GALNTL6: variants seen among roughly 807,000 people sequenced by gnomAD.
GALNTL6 encodes polypeptide N-acetylgalactosaminyltransferase like 6.
Under a neutral mutation model 73.7 loss-of-function variants are expected in GALNTL6, and 46 were observed. The ratio of observed to expected loss-of-function variants is 0.62; its 90% CI spans 0.49 to 0.80. The LOEUF is 0.80. Ranked by LOEUF, GALNTL6 falls within the 30% of genes least tolerant of loss-of-function variation. The pLI is 0.00. For synonymous variants in GALNTL6, 259 were observed against 263.7 expected, an observed-to-expected ratio of 0.98 and a Z score of 0.17; for missense variants, 604 against 755.0, an observed-to-expected ratio of 0.80 and a Z score of 2.34.
At chr4:172,159,133 C>T (rs1734375232) in intron 2 of GALNTL6, among the ~76,000 whole-genome samples, 1 of 152,140 alleles carries the variant, frequency 6.6e-6, no homozygotes, top group African/African-American at 2.4e-5. Context: ...TAAGGCGCAA[C>T]TCCAGGAAGA....
chr4:172,828,571 A>G (rs1469306883), intron 7 of GALNTL6, among the ~76,000 whole-genome samples: 1 of 152,218 alleles, frequency 6.6e-6, no homozygotes, highest in Non-Finnish European at 1.5e-5. Context: ...GCATAAAAAA[A>G]GAGAAAAAAA....
intron 2 of GALNTL6, among the ~76,000 whole-genome samples, chr4:172,193,126 G>A (rs1439812217): frequency 3.3e-5 from 5 of 152,200 alleles, no homozygotes; most frequent in African/African-American, 1.2e-4. Flanking sequence ...CCAGATGAGA[G>A]GGACTACCCC....
chr4:171,844,838 T>C (rs552706297), intron 2 of GALNTL6, among the ~76,000 whole-genome samples: 1 of 152,174 alleles, frequency 6.6e-6, no homozygotes, highest in Non-Finnish European at 1.5e-5. Flanking sequence ...AGATGGTTGC[T>C]GTGGCAGGGA....
At chr4:172,759,205 C>T (rs1326584410) in intron 5 of GALNTL6, among the ~76,000 whole-genome samples, 1 of 152,188 alleles carries the variant, frequency 6.6e-6, no homozygotes, top group Non-Finnish European at 1.5e-5. Flanking sequence ...TAGATTCACT[C>T]AGAAATTGCA....
rs140528278 is a variant in GALNTL6 at position 172,467,362 on chromosome 4, G to A, written c.553+118673G>A. Among the ~76,000 whole-genome samples the A allele has an allele frequency of 6.6e-5, 10 of 152,266 alleles. No individual in the cohort carries two copies. In the East Asian group the frequency reaches 7.7e-4, roughly 12 times the overall value. On this transcript the variant is annotated intron_variant, in intron 5 of 12. Transcript: ENST00000506823. The stretch of plus-strand genomic sequence containing the variant: ...ATGATTCAGCTACTCAGTAAATTTC[G>A]TAGGGTTCAGAGAATAGTTCTGGCA...
At chr4:172,744,450 A>C (rs570118336) in intron 5 of GALNTL6, among the ~76,000 whole-genome samples, 1 of 152,254 alleles carries the variant, frequency 6.6e-6, no homozygotes, top group Admixed American at 6.5e-5. Context: ...TAAATCAAGG[A>C]GATACATGTC....
At chr4:172,504,589 A>G (rs13115769) in intron 5 of GALNTL6, among the ~76,000 whole-genome samples, 44,546 of 46,474 alleles carry the variant, frequency 0.96, 22,072 homozygotes, top group Middle Eastern at 1. Context: ...ATTGATTCAC[A>G]AGTTTGTTCT....
At chr4:172,859,588 A>T (rs1257972178) in intron 7 of GALNTL6, among the ~76,000 whole-genome samples, 7 of 152,184 alleles carry the variant, frequency 4.6e-5, no homozygotes, top group Non-Finnish European at 1.0e-4. Context: ...GTAACTATCC[A>T]CTATAACTAT....
intron 8 of GALNTL6, among the ~76,000 whole-genome samples, chr4:172,920,630 C>A (rs1366885331): frequency 6.6e-6 from 1 of 152,068 alleles, no homozygotes; most frequent in South Asian, 2.1e-4. Context: ...TCACTCATTT[C>A]TTTAATTTAT....
At chr4:172,478,535 A>T (rs547929727) in intron 5 of GALNTL6, among the ~76,000 whole-genome samples, 1 of 152,318 alleles carries the variant, frequency 6.6e-6, no homozygotes, top group Middle Eastern at 3.4e-3. Context: ...ACTTACATGT[A>T]AGGCTGGAAA....
chr4:172,307,996 G>A (rs570229494), intron 3 of GALNTL6, among the ~76,000 whole-genome samples: 4 of 54,164 alleles, frequency 7.4e-5, no homozygotes, highest in African/African-American at 2.0e-4. Context: ...CATGGGATGT[G>A]TTTTAACTTT....
intron 2 of GALNTL6, among the ~76,000 whole-genome samples, chr4:172,179,752 C>A (rs1441053310): frequency 4.0e-5 from 6 of 151,766 alleles, no homozygotes; most frequent in South Asian, 4.2e-4. Flanking sequence ...CCTGAATGGT[C>A]ATGCCTAGGT....
At chr4:172,369,594 G>A (rs951384484) in intron 5 of GALNTL6, among the ~76,000 whole-genome samples, 1 of 152,206 alleles carries the variant, frequency 6.6e-6, no homozygotes, top group Non-Finnish European at 1.5e-5. Context: ...ATGGCGGGCT[G>A]CAGGTCCCGA....
chr4:172,787,902 C>T (rs1426637712), intron 5 of GALNTL6, among the ~76,000 whole-genome samples: 4 of 152,108 alleles, frequency 2.6e-5, no homozygotes, highest in Admixed American at 6.5e-5. Context: ...GATCACAGAA[C>T]ATTAAAGAAT....
chr4:171,911,071 C>T (rs1207496992), intron 2 of GALNTL6, among the ~76,000 whole-genome samples: 2 of 152,160 alleles, frequency 1.3e-5, no homozygotes, highest in East Asian at 3.8e-4. Flanking sequence ...GTTTTTCTAT[C>T]ATTAGTGAAC....
intron 5 of GALNTL6, among the ~76,000 whole-genome samples, chr4:172,525,108 T>C (rs1245807995): frequency 6.6e-6 from 1 of 152,224 alleles, no homozygotes; most frequent in African/African-American, 2.4e-5. Flanking sequence ...TATATTTTGT[T>C]GTTATATTTG....
At chr4:172,582,316 C>T (rs1737221906) in intron 5 of GALNTL6, among the ~76,000 whole-genome samples, 1 of 152,142 alleles carries the variant, frequency 6.6e-6, no homozygotes, top group African/African-American at 2.4e-5. Flanking sequence ...ACTTTCTGAG[C>T]CTTAGTTTCT....
intron 5 of GALNTL6, among the ~76,000 whole-genome samples, chr4:172,671,586 C>T (rs555614545): frequency 6.6e-6 from 1 of 152,126 alleles, no homozygotes; most frequent in Non-Finnish European, 1.5e-5. Flanking sequence ...TTTCTAGATA[C>T]AAGATTATAT....
intron 2 of GALNTL6, among the ~76,000 whole-genome samples, chr4:172,120,062 G>T (rs1286730771): frequency 6.6e-6 from 1 of 152,138 alleles, no homozygotes; most frequent in African/African-American, 2.4e-5. Flanking sequence ...GCATTATGAA[G>T]ACAACGTATT....
Sources: gnomAD v4.1 joint callset for allele counts (sites outside exome capture counted in the v4.1 genomes callset) on GRCh38, gnomAD v4.1.1 for gene constraint, MANE v1.5 for transcripts, NCBI Gene and HGNC (gene_info 2026-07-23, HGNC 2026-07-21) for gene names.